Variants in MICU1 observed in about 807,000 individuals in gnomAD.
The protein encoded by MICU1 is mitochondrial calcium uptake 1.
In MICU1, 45 loss-of-function variants were observed where a neutral mutation model predicts 56.8. The ratio of observed to expected loss-of-function variants is 0.79; its 90% CI spans 0.62 to 1.02. The LOEUF (loss-of-function observed/expected upper bound fraction) is 1.02. MICU1 is among the 50% of genes least tolerant of loss of function. The pLI is 0.00. For missense variants in MICU1, 504 were observed against 587.1 expected, an observed-to-expected ratio of 0.86 and a Z score of 1.46; for synonymous variants, 186 against 195.1, an observed-to-expected ratio of 0.95 and a Z score of 0.39.
At chr10:72,486,696 T>G (rs1866486754) in intron 6 of MICU1, among the ~76,000 whole-genome samples, 1 of 152,218 alleles carries the variant, frequency 6.6e-6, no homozygotes, top group Admixed American at 6.5e-5. Context: ...GGTCCCAAAC[T>G]CTTGATCTCA....
At chr10:72,527,332 C>A (rs1340677110) in intron 5 of MICU1, among the ~76,000 whole-genome samples, 1 of 151,906 alleles carries the variant, frequency 6.6e-6, no homozygotes, top group African/African-American at 2.4e-5. Context: ...TTTAAGCTAG[C>A]TACTTATCTT....
At chr10:72,471,473 T>A (rs1464618392) in intron 8 of MICU1, among the ~76,000 whole-genome samples, 3 of 152,208 alleles carry the variant, frequency 2.0e-5, no homozygotes, top group African/African-American at 7.2e-5. Context: ...AGGCTCTCAT[T>A]TGTGTTTCTA....
intron 10 of MICU1, among the ~76,000 whole-genome samples, chr10:72,399,835 G>A (rs1202663738): frequency 6.6e-6 from 1 of 152,034 alleles, no homozygotes; most frequent in African/African-American, 2.4e-5. Flanking sequence ...GTGGGTGCCT[G>A]TAGTCCCAGC....
At chr10:72,429,293 A>C (rs1019874624) in intron 8 of MICU1, among the ~76,000 whole-genome samples, 1 of 151,772 alleles carries the variant, frequency 6.6e-6, no homozygotes, top group African/African-American at 2.4e-5. Flanking sequence ...GGTGGTGTGC[A>C]CCTGTAATCC....
chr10:72,499,539 A>G (rs1196125697), intron 6 of MICU1, among the ~76,000 whole-genome samples: 3 of 152,230 alleles, frequency 2.0e-5, no homozygotes, highest in Non-Finnish European at 2.9e-5. Flanking sequence ...AGCACCTCTC[A>G]TAGGCTAAAA....
intron 1 of MICU1, among the ~76,000 whole-genome samples, chr10:72,623,569 T>A (rs1394114568): frequency 6.6e-6 from 1 of 151,996 alleles, no homozygotes; most frequent in East Asian, 1.9e-4. Flanking sequence ...CCAGGTGTGG[T>A]GGCTCAGGCC....
At chr10:72,402,376 T>C (rs976202868) in intron 10 of MICU1, among the ~76,000 whole-genome samples, 4 of 152,170 alleles carry the variant, frequency 2.6e-5, no homozygotes, top group Non-Finnish European at 5.9e-5. Context: ...CAAAGAACAA[T>C]GTATACACAA....
intron 5 of MICU1, chr10:72,532,814 C>T: frequency 1.0e-6 from 1 of 979,986 alleles, no homozygotes; most frequent in African/African-American, 1.7e-5. Flanking sequence ...GCTGAGATCT[C>T]TCCCAAATCT....
intron 10 of MICU1, among the ~76,000 whole-genome samples, chr10:72,394,180 G>C (rs2132073180): frequency 6.6e-6 from 1 of 152,286 alleles, no homozygotes. Context: ...TTAGAGCCCA[G>C]CTGGATAATC....
intron 1 of MICU1, among the ~76,000 whole-genome samples, chr10:72,604,559 C>T (rs1196859770): frequency 6.6e-6 from 1 of 151,830 alleles, no homozygotes; most frequent in Non-Finnish European, 1.5e-5. Flanking sequence ...AGGCATGAGC[C>T]AGCGTGCCCG....
intron 3 of MICU1, among the ~76,000 whole-genome samples, chr10:72,562,045 T>C (rs1190808526): frequency 6.6e-6 from 1 of 152,008 alleles, no homozygotes; most frequent in East Asian, 1.9e-4. Context: ...CACTCATGTT[T>C]GCTGAACTCA....
rs552685628 is a variant in MICU1 at position 72,434,183 on chromosome 10, C to G, written c.934-10812G>C. Among the ~76,000 whole-genome samples the G allele has an allele frequency of 1.4e-4, 22 of 152,174 alleles. No homozygotes were observed. In the South Asian group the frequency reaches 4.6e-3, roughly 32 times the overall value. Reference sequence around the variant, plus strand: ...GCCATCTTCCTTACTTAGAAAAATTCTCTAGATGGTTAAAGAACAATCCAT... The same window carrying G: ...GCCATCTTCCTTACTTAGAAAAATTGTCTAGATGGTTAAAGAACAATCCAT... On this transcript the variant is annotated intron_variant, in intron 8 of 11. Transcript: ENST00000361114.
chr10:72,482,619 C>T (rs1231958575), intron 6 of MICU1, among the ~76,000 whole-genome samples: 2 of 151,864 alleles, frequency 1.3e-5, no homozygotes, highest in African/African-American at 2.4e-5. Context: ...TCCAAATCTA[C>T]CCTGTGTAGC....
At chr10:72,468,460 T>C (rs1273367356) in intron 8 of MICU1, among the ~76,000 whole-genome samples, 1 of 152,150 alleles carries the variant, frequency 6.6e-6, no homozygotes, top group Non-Finnish European at 1.5e-5. Flanking sequence ...GGAATTAGAT[T>C]TGGCACCTAT....
At chr10:72,444,204 A>G (rs1231263824) in intron 8 of MICU1, among the ~76,000 whole-genome samples, 4 of 145,568 alleles carry the variant, frequency 2.7e-5, no homozygotes, top group African/African-American at 7.6e-5. Context: ...GGGGAACATC[A>G]CACTCTGGGG....
At chr10:72,411,671 G>C (rs1863820014) in intron 9 of MICU1, among the ~76,000 whole-genome samples, 1 of 152,072 alleles carries the variant, frequency 6.6e-6, no homozygotes, top group African/African-American at 2.4e-5. Context: ...CTAAGTTATT[G>C]AAAGGGTATT....
intron 5 of MICU1, among the ~76,000 whole-genome samples, chr10:72,521,506 GGC>G (rs1398128823): frequency 1.3e-5 from 2 of 152,070 alleles, no homozygotes; most frequent in African/African-American, 4.8e-5. Flanking sequence ...GTAAATGCCA[GGC>G]ACTGTGCTAG....
chr10:72,397,881 G>C (rs965769032), intron 10 of MICU1, among the ~76,000 whole-genome samples: 4 of 152,166 alleles, frequency 2.6e-5, no homozygotes, highest in African/African-American at 9.7e-5. Context: ...CAATGAGACA[G>C]AATGTTAACA....
At chr10:72,549,774 A>G (rs1839987109) in intron 4 of MICU1, among the ~76,000 whole-genome samples, 1 of 152,072 alleles carries the variant, frequency 6.6e-6, no homozygotes, top group Admixed American at 6.5e-5. Context: ...CTACTAAAAA[A>G]TACAAAATTA....
Sources: gnomAD v4.1 joint callset for allele counts (sites outside exome capture counted in the v4.1 genomes callset) on GRCh38, gnomAD v4.1.1 for gene constraint, MANE v1.5 for transcripts, NCBI Gene and HGNC (gene_info 2026-07-23, HGNC 2026-07-21) for gene names.